C1QTNF3: variants seen among roughly 807,000 people sequenced by gnomAD.
C1QTNF3 encodes complement C1q tumor necrosis factor-related protein 3.
A neutral mutation model predicts 32.6 loss-of-function variants in C1QTNF3; 26 were observed. The ratio of observed to expected loss-of-function variants is 0.80; its 90% CI spans 0.58 to 1.11. The LOEUF (loss-of-function observed/expected upper bound fraction) is 1.11. Among genes scored for constraint, C1QTNF3 ranks in the 50% least tolerant of loss-of-function variants. The pLI, the probability that C1QTNF3 is intolerant of heterozygous loss-of-function variation, is 0.00. For synonymous variants in C1QTNF3, 155 were observed against 146.0 expected (o/e 1.06, Z -0.44); for missense variants, 362 against 398.2 (o/e 0.91, Z 0.77).
chr5:34,211,063 G>A, the C1QTNF3 span, among the ~76,000 whole-genome samples: 1 of 150,808 alleles, frequency 6.6e-6, no homozygotes, highest in East Asian at 1.9e-4. Context: ...CTAAGTAATT[G>A]ACTCTACCTA....
At chr5:34,195,935 G>C in the C1QTNF3 span, among the ~76,000 whole-genome samples, 113 of 152,278 alleles carry the variant, frequency 7.4e-4, no homozygotes, top group African/African-American at 2.6e-3. Context: ...GTTTAGATGA[G>C]GTCATGAGAA....
chr5:34,216,191 G>C, the C1QTNF3 span, among the ~76,000 whole-genome samples: 1 of 152,176 alleles, frequency 6.6e-6, no homozygotes, highest in African/African-American at 2.4e-5. Context: ...TCATTGTCTT[G>C]TTTAAGTATC....
the C1QTNF3 span, among the ~76,000 whole-genome samples, chr5:34,147,529 C>G: frequency 6.6e-6 from 1 of 152,044 alleles, no homozygotes; most frequent in Non-Finnish European, 1.5e-5. Flanking sequence ...ATGGTTGCAG[C>G]TGGTGGTCAT....
chr5:34,143,347 T>C, the C1QTNF3 span, among the ~76,000 whole-genome samples: 2 of 152,216 alleles, frequency 1.3e-5, no homozygotes, highest in African/African-American at 2.4e-5. Context: ...GAAAGACTTG[T>C]AAAATACACT....
the C1QTNF3 span, among the ~76,000 whole-genome samples, chr5:34,211,981 T>C: frequency 6.6e-6 from 1 of 152,116 alleles, no homozygotes; most frequent in Non-Finnish European, 1.5e-5. Flanking sequence ...GCTGGAGGCA[T>C]CATGCTACCT....
the C1QTNF3 span, among the ~76,000 whole-genome samples, chr5:34,198,225 G>T: frequency 6.9e-6 from 1 of 144,256 alleles, no homozygotes; most frequent in African/African-American, 2.8e-5. Context: ...CTGGGTAACA[G>T]AGCAAAACTC....
At chr5:34,147,396 C>T in the C1QTNF3 span, among the ~76,000 whole-genome samples, 5 of 152,122 alleles carry the variant, frequency 3.3e-5, no homozygotes, top group Non-Finnish European at 7.3e-5. Flanking sequence ...ACAGCAAAGA[C>T]ATGGAATCAA....
At chr5:34,135,573 C>G in the C1QTNF3 span, among the ~76,000 whole-genome samples, 1 of 151,596 alleles carries the variant, frequency 6.6e-6, no homozygotes, top group Non-Finnish European at 1.5e-5. Context: ...TTGGTAAGCT[C>G]AAAATACCAA....
chr5:34,189,878 T>C, the C1QTNF3 span, among the ~76,000 whole-genome samples: 407 of 151,078 alleles, frequency 2.7e-3, no homozygotes, highest in African/African-American at 9.7e-3. Flanking sequence ...ATCAGTGGTG[T>C]CAAGACAACT....
the C1QTNF3 span, among the ~76,000 whole-genome samples, chr5:34,132,002 TAC>T: frequency 6.6e-6 from 1 of 152,308 alleles, no homozygotes; most frequent in East Asian, 1.9e-4. Context: ...TCGATAAATT[TAC>T]ATAGTTAAAA....
chr5:34,128,795 T>C, the C1QTNF3 span, among the ~76,000 whole-genome samples: 5 of 152,222 alleles, frequency 3.3e-5, no homozygotes, highest in East Asian at 1.9e-4. Context: ...TACAGGCTCA[T>C]AGGCGGAAGG....
the C1QTNF3 span, among the ~76,000 whole-genome samples, chr5:34,215,802 TAAAG>T: frequency 2.6e-4 from 40 of 152,116 alleles, no homozygotes; most frequent in Admixed American, 2.2e-3. Context: ...AAGGCTAACT[TAAAG>T]AACATTTTTT....
chr5:34,076,132 T>C, the C1QTNF3 span, among the ~76,000 whole-genome samples: 1 of 151,468 alleles, frequency 6.6e-6, no homozygotes. Context: ...TAGAGAATTG[T>C]ATGGGGTTGC....
At chr5:34,040,204 C>A (rs1361431983) in intron 1 of C1QTNF3, among the ~76,000 whole-genome samples, 2 of 152,154 alleles carry the variant, frequency 1.3e-5, no homozygotes, top group Non-Finnish European at 2.9e-5. Context: ...CATCCCCTTT[C>A]CCAAAAGCAG....
chr5:34,145,788 T>C, the C1QTNF3 span, among the ~76,000 whole-genome samples: 2 of 150,128 alleles, frequency 1.3e-5, no homozygotes, highest in Non-Finnish European at 3.0e-5. Context: ...CAGCAGCACA[T>C]CAAAAAATTA....
chr5:34,022,947 C>T (rs533648178), intron 5 of C1QTNF3, among the ~76,000 whole-genome samples: 289 of 152,300 alleles, frequency 1.9e-3, no homozygotes, highest in Middle Eastern at 6.8e-3. Context: ...GTTCCGCCTC[C>T]TGGGTTCATG....
At chr5:34,049,409 T>C in the C1QTNF3 span, among the ~76,000 whole-genome samples, 1 of 152,176 alleles carries the variant, frequency 6.6e-6, no homozygotes, top group Admixed American at 6.5e-5. Flanking sequence ...TATTTTGCTC[T>C]TTGAGAAGCC....
chr5:34,200,573 T>G, the C1QTNF3 span: 3 of 152,136 alleles, frequency 2.0e-5, no homozygotes, highest in Non-Finnish European at 2.9e-5. Context: ...CGGAAAAATA[T>G]AAATGAAGAG....
the C1QTNF3 span, chr5:34,168,736 T>G: frequency 2.6e-5 from 4 of 152,270 alleles, no homozygotes; most frequent in South Asian, 8.3e-4. Context: ...CTAGGGGAGA[T>G]ATACATGAAG....
Sources: allele counts gnomAD v4.1 joint callset (sites outside exome capture counted in the v4.1 genomes callset), GRCh38; gene constraint gnomAD v4.1.1; transcripts MANE v1.5; gene names NCBI Gene and HGNC (gene_info 2026-07-23, HGNC 2026-07-21).